The following TUSC3 variants were observed in gnomAD, a reference collection of about 807,000 sequenced individuals.
TUSC3 encodes dolichyl-diphosphooligosaccharide--protein glycosyltransferase subunit TUSC3.
In TUSC3, 45 loss-of-function variants were observed where a neutral mutation model predicts 44.8. That is an observed-to-expected ratio of 1.00 (90% CI 0.79 to 1.29). TUSC3 has a LOEUF of 1.29. Among genes scored for constraint, TUSC3 ranks in the 50% most tolerant of loss-of-function variants. TUSC3 has a pLI of 0.00. For missense variants in TUSC3, 519 were observed against 437.9 expected (o/e 1.19, Z -1.65); for synonymous variants, 212 against 152.9 (o/e 1.39, Z -2.85).
chr8:15,741,601 C>T (rs1014396611), intron 7 of TUSC3, among the ~76,000 whole-genome samples: 3 of 151,852 alleles, frequency 2.0e-5, no homozygotes, highest in African/African-American at 4.8e-5. Flanking sequence ...GCATGAGAAC[C>T]GCTTGAACCT....
At chr8:15,481,247 C>CAA (rs57956608) in intron 1 of TUSC3, among the ~76,000 whole-genome samples, 11 of 83,010 alleles carry the variant, frequency 1.3e-4, no homozygotes, top group Admixed American at 4.0e-4. Context: ...AACTCCATCT[C>CAA]AAAAAAAAAA....
downstream of TUSC3, among the ~76,000 whole-genome samples, chr8:15,770,058 A>G (rs1319057035): frequency 6.6e-6 from 1 of 152,220 alleles, no homozygotes. Flanking sequence ...CAATCCCATT[A>G]CTGGGTATAT....
upstream of TUSC3, among the ~76,000 whole-genome samples, chr8:15,539,698 T>G (rs917515745): frequency 6.6e-6 from 1 of 152,154 alleles, no homozygotes; most frequent in Admixed American, 6.5e-5. Context: ...GAAGTAAGTC[T>G]ATTCGTTTTT....
chr8:15,552,594 C>A (rs1802097074), intron 1 of TUSC3, among the ~76,000 whole-genome samples: 1 of 151,672 alleles, frequency 6.6e-6, no homozygotes, highest in South Asian at 2.1e-4. Flanking sequence ...TATGAAAAAA[C>A]ACAGCAAATT....
intron 6 of TUSC3, among the ~76,000 whole-genome samples, chr8:15,681,688 T>C (rs1808436950): frequency 6.6e-6 from 1 of 151,978 alleles, no homozygotes; most frequent in African/African-American, 2.4e-5. Flanking sequence ...GCTCTGATTT[T>C]AGTTATTTAT....
At chr8:15,501,005 C>T (rs138539742) in intron 2 of TUSC3, among the ~76,000 whole-genome samples, 1 of 151,994 alleles carries the variant, frequency 6.6e-6, no homozygotes, top group Non-Finnish European at 1.5e-5. Flanking sequence ...GCTATAATAC[C>T]AAATAACAGT....
intron 1 of TUSC3, among the ~76,000 whole-genome samples, chr8:15,581,929 G>A (rs529733872): frequency 6.7e-6 from 1 of 148,892 alleles, no homozygotes; most frequent in South Asian, 2.1e-4. Flanking sequence ...CTTGCAGTTT[G>A]ATCTCAGACT....
chr8:15,848,822 C>T, the TUSC3 span, among the ~76,000 whole-genome samples: 2 of 152,174 alleles, frequency 1.3e-5, no homozygotes, highest in African/African-American at 4.8e-5. Context: ...TTTTACATTC[C>T]TTAAAACAAG....
intron 2 of TUSC3, among the ~76,000 whole-genome samples, chr8:15,637,208 A>T (rs7465124): frequency 6.6e-6 from 1 of 152,266 alleles, no homozygotes; most frequent in Non-Finnish European, 1.5e-5. Context: ...TATGTTTAAT[A>T]TTTTAAAATC....
chr8:15,587,813 T>C (rs991160890), intron 1 of TUSC3, among the ~76,000 whole-genome samples: 3 of 152,132 alleles, frequency 2.0e-5, no homozygotes, highest in Admixed American at 6.6e-5. Flanking sequence ...TGAGAACATA[T>C]ATGATTTATC....
At chr8:15,848,843 T>TA in the TUSC3 span, among the ~76,000 whole-genome samples, 2 of 152,206 alleles carry the variant, frequency 1.3e-5, no homozygotes, top group Non-Finnish European at 2.9e-5. Flanking sequence ...GAGGTTGAAT[T>TA]AGTTGATTTC....
chr8:15,843,593 CATATAT>C, the TUSC3 span, among the ~76,000 whole-genome samples: 5 of 91,140 alleles, frequency 5.5e-5, no homozygotes, highest in South Asian at 4.1e-4. Flanking sequence ...ACTTGATGTA[CATATAT>C]ATATATATAT....
chr8:15,620,077 C>G lies in TUSC3; in HGVS notation c.139-3003C>G, dbSNP rs751028506. ...ACTGTGTCAGAAACAAACAAACAAA[C>G]TGCAAATTAAAATAAGATACCATTG... On this transcript the variant is annotated intron_variant, in intron 1 of 10. Coordinates refer to ENST00000503731, the MANE Select transcript of TUSC3 (RefSeq NM_006765.4). Among the ~76,000 whole-genome samples, 4 of 152,114 alleles carry G rather than the reference C, an allele frequency of 2.6e-5. No individual in the cohort carries two copies. In the East Asian group the frequency reaches 7.7e-4, roughly 29 times the overall value.
At chr8:15,851,071 ACGACG>A in the TUSC3 span, among the ~76,000 whole-genome samples, 1 of 152,158 alleles carries the variant, frequency 6.6e-6, no homozygotes, top group African/African-American at 2.4e-5. Context: ...AAGTCAATGG[ACGACG>A]CGACGCTTTT....
At chr8:15,549,988 C>G (rs1399191821) in intron 1 of TUSC3, among the ~76,000 whole-genome samples, 1 of 151,692 alleles carries the variant, frequency 6.6e-6, no homozygotes, top group African/African-American at 2.4e-5. Flanking sequence ...GGGCTTACAA[C>G]TCTAAGGGGA....
chr8:15,519,989 G>T (rs187700680), intron 2 of TUSC3, among the ~76,000 whole-genome samples: 7,682 of 152,188 alleles, frequency 0.05, 356 homozygotes, highest in African/African-American at 0.12. Flanking sequence ...TTTGCTCACT[G>T]TTGGCTCTTA....
intron 2 of TUSC3, among the ~76,000 whole-genome samples, chr8:15,509,208 AGAT>A (rs1157812978): frequency 6.6e-6 from 1 of 152,236 alleles, no homozygotes; most frequent in African/African-American, 2.4e-5. Flanking sequence ...CAAATATTGG[AGAT>A]GATAGTCTTT....
chr8:15,524,768 G>T (rs539020603), intron 2 of TUSC3, among the ~76,000 whole-genome samples: 3 of 152,180 alleles, frequency 2.0e-5, no homozygotes, highest in African/African-American at 7.2e-5. Flanking sequence ...AGCGCATAGT[G>T]AAGTTTTGCA....
chr8:15,648,260 T>A lies in TUSC3; in HGVS notation c.309-2437T>A, dbSNP rs144097132. Reference sequence around the variant, plus strand: ...ATATTCGAAATCTATATAAGTGCTCTCTCTTTTACTATCTTTATTCCTTTT... The same window carrying A: ...ATATTCGAAATCTATATAAGTGCTCACTCTTTTACTATCTTTATTCCTTTT... On this transcript the variant is annotated intron_variant, in intron 2 of 10. Coordinates refer to ENST00000503731, the MANE Select transcript of TUSC3 (RefSeq NM_006765.4). Among the ~76,000 whole-genome samples the A allele has an allele frequency of 9.7e-4, 147 of 152,314 alleles. 1 individual carries two copies. The highest frequency in any genetic ancestry group is 3.4e-3 in the African/African-American group (141 of 41,580).
Sources: gnomAD v4.1 joint callset for allele counts (sites outside exome capture counted in the v4.1 genomes callset) on GRCh38, gnomAD v4.1.1 for gene constraint, MANE v1.5 for transcripts, NCBI Gene and HGNC (gene_info 2026-07-23, HGNC 2026-07-21) for gene names.